Variants in PPP2R1B observed in about 807,000 individuals in gnomAD.
PPP2R1B encodes the protein protein phosphatase 2 scaffold subunit Abeta.
Under a neutral mutation model 72.7 loss-of-function variants are expected in PPP2R1B, and 58 were observed. The observed-to-expected ratio is 0.80, with a 90% CI of 0.65 to 0.99. The LOEUF (loss-of-function observed/expected upper bound fraction) is 0.99, where lower values mean the gene tolerates loss of function less well. Among genes scored for constraint, PPP2R1B ranks in the 50% least tolerant of loss-of-function variants. The pLI is 0.00. For synonymous variants in PPP2R1B, 256 were observed against 264.6 expected (o/e 0.97, Z 0.32); for missense variants, 695 against 733.6 (o/e 0.95, Z 0.61).
downstream of PPP2R1B, chr11:111,724,419 T>G: frequency 2.4e-6 from 1 of 424,970 alleles, no homozygotes; most frequent in Non-Finnish European, 4.3e-6. Flanking sequence ...AATGTGTTCC[T>G]AAGAAGACAT....
chr11:111,757,798 G>A (rs1396596022), intron 5 of PPP2R1B, among the ~76,000 whole-genome samples: 2 of 145,688 alleles, frequency 1.4e-5, no homozygotes, highest in Non-Finnish European at 3.0e-5. Flanking sequence ...TCATGCCATT[G>A]TACTCCAGCC....
intron 3 of PPP2R1B, among the ~76,000 whole-genome samples, chr11:111,764,083 C>T (rs1555052235): frequency 1.3e-5 from 2 of 152,166 alleles, no homozygotes; most frequent in East Asian, 1.9e-4. Context: ...CCTGATCACC[C>T]GGAGTGAATC....
chr11:111,698,670 CA>C, the PPP2R1B span, among the ~76,000 whole-genome samples: 2 of 152,178 alleles, frequency 1.3e-5, no homozygotes, highest in Non-Finnish European at 2.9e-5. Context: ...GAGATCGTGC[CA>C]TTGCACTCTA....
At chr11:111,703,343 G>A in the PPP2R1B span, 4 of 1,614,024 alleles carry the variant, frequency 2.5e-6, no homozygotes, top group Non-Finnish European at 2.5e-6. Flanking sequence ...GCAAGAAAAT[G>A]AGCCATCCAT....
Position 111,760,811 on chromosome 11 carries a change from T to C in PPP2R1B, c.539+8A>G. The C allele has an allele frequency of 2.5e-6, 4 of 1,611,788 alleles. No individual in the cohort carries two copies. Among genetic ancestry groups the C allele is most frequent in the Non-Finnish European group, 3.4e-6 (4 of 1,178,538 alleles). The stretch of plus-strand genomic sequence containing the variant: ...GCTTTAACAAGGCAAAAAAATACCA[T>C]GGCTTACTGTCTGATTTCTGCTTTA... On this transcript the variant is annotated splice_region_variant and intron_variant, in intron 4 of 14. Transcript: ENST00000527614.
downstream of PPP2R1B, chr11:111,723,736 G>T (rs1271059742): frequency 6.2e-7 from 1 of 1,614,014 alleles, no homozygotes; most frequent in Non-Finnish European, 8.5e-7. Flanking sequence ...AGTACCAAGA[G>T]ATGCAGCTTC....
rs115287852 is a variant in PPP2R1B at position 111,742,059 on chromosome 11, T to C, written c.1783A>G (p.Ile595Val). 2,202 of 1,611,902 alleles carry C rather than the reference T, an allele frequency of 1.4e-3. 5 individuals are homozygous for C. The highest frequency in any genetic ancestry group is 1.6e-3 in the Non-Finnish European group (1,906 of 1,177,962). Reference protein sequence around the residue: ...MDVKYFAQEAISVLALA With the variant: ...MDVKYFAQEAVSVLALA Reference sequence around the variant, plus strand: ...AAAAGAAGGAAATACATACCACTTATAGCTTCCTGTGCAAAGTATTTGACA... The same window carrying C: ...AAAAGAAGGAAATACATACCACTTACAGCTTCCTGTGCAAAGTATTTGACA... The change falls in exon 14 of 15, where the codon ATA (isoleucine) becomes GTA (valine). Residue 595 changes from isoleucine to valine, a missense_variant. Transcript: ENST00000527614.
At chr11:111,712,110 C>T in the PPP2R1B span, 4 of 1,211,776 alleles carry the variant, frequency 3.3e-6, no homozygotes, top group Non-Finnish European at 4.7e-6. Flanking sequence ...AATATTCATT[C>T]TTTAATTGCC....
the PPP2R1B span, among the ~76,000 whole-genome samples, chr11:111,693,169 T>C: frequency 6.6e-6 from 1 of 151,958 alleles, no homozygotes; most frequent in Non-Finnish European, 1.5e-5. Flanking sequence ...CCGTCTCTAC[T>C]AAAAATACAA....
At chr11:111,712,420 G>T in the PPP2R1B span, 1 of 1,577,820 alleles carries the variant, frequency 6.3e-7, no homozygotes, top group Non-Finnish European at 8.6e-7. Context: ...TTTGGCGAGA[G>T]ATTTCAGTTT....
At chr11:111,764,398 G>T (rs1327599604) in intron 3 of PPP2R1B, among the ~76,000 whole-genome samples, 1 of 152,100 alleles carries the variant, frequency 6.6e-6, no homozygotes, top group African/African-American at 2.4e-5. Context: ...GTCTGATAAA[G>T]TAGACTCTCA....
At chr11:111,696,012 T>C in the PPP2R1B span, among the ~76,000 whole-genome samples, 5 of 152,222 alleles carry the variant, frequency 3.3e-5, no homozygotes, top group Non-Finnish European at 5.9e-5. Context: ...TGTTCAGATA[T>C]ATCCTTGGTC....
the PPP2R1B span, among the ~76,000 whole-genome samples, chr11:111,690,014 C>T: frequency 7.3e-5 from 11 of 151,118 alleles, no homozygotes; most frequent in Middle Eastern, 3.4e-3. Context: ...CACATATACA[C>T]GTATATATAA....
At chr11:111,737,455 A>C (rs997288109), downstream of PPP2R1B, 5 of 1,614,030 alleles carry the variant, frequency 3.1e-6, no homozygotes. Context: ...TACCTTCCCC[A>C]TGTCCTCTCC....
intron 9 of PPP2R1B, among the ~76,000 whole-genome samples, chr11:111,753,014 A>G (rs1591696301): frequency 6.6e-6 from 1 of 152,222 alleles, no homozygotes; most frequent in East Asian, 1.9e-4. Flanking sequence ...AATAAGACCT[A>G]CCTCACAGGA....
intron 15 of PPP2R1B, chr11:111,728,859 G>A (rs1944076193): frequency 6.6e-6 from 1 of 151,216 alleles, no homozygotes; most frequent in Admixed American, 6.6e-5. Flanking sequence ...GGGAGGTGGA[G>A]CTTGCAGTGA....
At chr11:111,750,322 A>AACTGAC (rs782453669) in intron 10 of PPP2R1B, among the ~76,000 whole-genome samples, 8 of 152,178 alleles carry the variant, frequency 5.3e-5, no homozygotes, top group Admixed American at 4.6e-4. Flanking sequence ...GTCAATAGTA[A>AACTGAC]ACTGACACAT....
At chr11:111,725,961 A>C (rs1217245113), downstream of PPP2R1B, 1 of 152,226 alleles carries the variant, frequency 6.6e-6, no homozygotes, top group Non-Finnish European at 1.5e-5. Flanking sequence ...AAAATCCAGG[A>C]AGAATGAATT....
chr11:111,721,790 A>G, the PPP2R1B span: 2 of 1,524,568 alleles, frequency 1.3e-6, no homozygotes, highest in South Asian at 2.4e-5. Context: ...GTTTTTCCCC[A>G]TGGGGAATTG....
Sources: gnomAD v4.1 joint callset for allele counts (sites outside exome capture counted in the v4.1 genomes callset) on GRCh38, gnomAD v4.1.1 for gene constraint, MANE v1.5 for transcripts, NCBI Gene and HGNC (gene_info 2026-07-23, HGNC 2026-07-21) for gene names.